RABGAP1: variants seen among roughly 807,000 people sequenced by gnomAD.
RABGAP1 encodes rab GTPase-activating protein 1.
In RABGAP1, 23 loss-of-function variants were observed where a neutral mutation model predicts 137.6. The ratio of observed to expected loss-of-function variants is 0.17; its 90% CI spans 0.12 to 0.24. The LOEUF (loss-of-function observed/expected upper bound fraction) is 0.24. Among genes scored for constraint, RABGAP1 ranks in the 10% least tolerant of loss-of-function variants. RABGAP1 has a pLI of 1.00. For synonymous variants in RABGAP1, 451 were observed against 450.7 expected (o/e 1.00, Z -0.01); for missense variants, 906 against 1,275.8 (o/e 0.71, Z 4.42).
chr9:122,946,842 C>CT (rs1449930608), intron 1 of RABGAP1, among the ~76,000 whole-genome samples: 1 of 152,096 alleles, frequency 6.6e-6, no homozygotes, highest in East Asian at 1.9e-4. Flanking sequence ...TAAATGAACT[C>CT]TGTTTTATGC....
chr9:122,984,395 C>T, intron 2 of RABGAP1, 90 bp from the exon 3 acceptor site: 1 of 1,034,312 alleles, frequency 9.7e-7, no homozygotes, highest in South Asian at 1.6e-5. Context: ...AAAAGAAATG[C>T]TAATGATTTT....
At chr9:123,046,903 A>C (rs1445165450) in intron 13 of RABGAP1, among the ~76,000 whole-genome samples, 1 of 152,236 alleles carries the variant, frequency 6.6e-6, no homozygotes, top group Non-Finnish European at 1.5e-5. Flanking sequence ...CTTAGCAGAC[A>C]TAATCTGGAC....
chr9:122,935,955 GT>G (rs911993984), upstream of RABGAP1, among the ~76,000 whole-genome samples: 8 of 149,554 alleles, frequency 5.3e-5, no homozygotes, highest in East Asian at 3.9e-4. Context: ...TTCCATGACA[GT>G]TTTTTTTTTC....
chr9:123,004,950 G>C (rs1440421117), intron 10 of RABGAP1, among the ~76,000 whole-genome samples: 2 of 151,622 alleles, frequency 1.3e-5, no homozygotes, highest in African/African-American at 4.9e-5. Flanking sequence ...CAGCTACTCG[G>C]GAGGCCGAGG....
rs34595678 is a variant in RABGAP1, at chr9:123,035,445, T to G, written c.1794+14986T>G. 3.5e-4 allele frequency: 563 copies of G among 1,614,218 alleles called. 1 individual carries two copies. In the African/African-American group the frequency reaches 6.8e-3, roughly 19 times the overall value. ...CATCCTTCTTGACCACCTGGCTTGC[T>G]ATTAGTAACAGTTTCTGCAACTGTG... On this transcript the variant is annotated intron_variant, in intron 13 of 25. Transcript: ENST00000373647.
chr9:123,032,528 C>T (rs1364144175), intron 13 of RABGAP1, among the ~76,000 whole-genome samples: 1 of 152,204 alleles, frequency 6.6e-6, no homozygotes, highest in Non-Finnish European at 1.5e-5. Flanking sequence ...AAATGTAATT[C>T]ATCGCATTCT....
In RABGAP1 at chr9:123,010,538, AG is replaced by A; in HGVS notation, c.1549+13del. The stretch of plus-strand genomic sequence containing the variant: ...GATGATGAAGAGGAAGGTAAACTGT[AG>A]GGATAGCTTAATTTATTTTTGGGGG... On this transcript the variant is annotated intron_variant, in intron 11 of 25. Coordinates refer to ENST00000373647, the MANE Select transcript of RABGAP1 (RefSeq NM_012197.4). 1 of 1,608,658 alleles carries A rather than the reference AG, an allele frequency of 6.2e-7. No homozygotes were observed.
At chr9:123,030,424 C>T (rs964984013) in intron 13 of RABGAP1, among the ~76,000 whole-genome samples, 3 of 152,072 alleles carry the variant, frequency 2.0e-5, no homozygotes, top group African/African-American at 7.2e-5. Context: ...ATCCCACCAT[C>T]CAATAATAGT....
chr9:122,970,270 A>G (rs1415489464), intron 2 of RABGAP1, among the ~76,000 whole-genome samples: 1 of 152,064 alleles, frequency 6.6e-6, no homozygotes, highest in Non-Finnish European at 1.5e-5. Flanking sequence ...GGACATAAAC[A>G]TAAAAGTGGA....
chr9:122,980,512 C>T (rs904044524), intron 2 of RABGAP1, among the ~76,000 whole-genome samples: 23 of 152,196 alleles, frequency 1.5e-4, no homozygotes, highest in Admixed American at 1.0e-3. Context: ...AAGGGGGTGA[C>T]ACCAGTCATG....
chr9:123,049,558 A>G (rs1380075759), intron 13 of RABGAP1, among the ~76,000 whole-genome samples: 1 of 152,222 alleles, frequency 6.6e-6, no homozygotes, highest in Admixed American at 6.5e-5. Flanking sequence ...CTAAAAAACA[A>G]AATACTCTTA....
intron 2 of RABGAP1, among the ~76,000 whole-genome samples, chr9:122,963,589 T>C (rs1326679674): frequency 6.6e-6 from 1 of 152,140 alleles, no homozygotes; most frequent in Non-Finnish European, 1.5e-5. Flanking sequence ...GCAGATACAA[T>C]ATACTAAGAC....
intron 1 of RABGAP1, among the ~76,000 whole-genome samples, chr9:122,945,159 T>TTTTTTTTTTTTTTTTTTTTTTTTG: frequency 6.8e-6 from 1 of 146,090 alleles, no homozygotes; most frequent in Non-Finnish European, 1.5e-5. Context: ...TTTTTTTTTT[T>TTTTTTTTTTTTTTTTTTTTTTTTG]TTTTAGCATA....
chr9:122,979,438 C>G (rs2131723182), intron 2 of RABGAP1, among the ~76,000 whole-genome samples: 1 of 152,248 alleles, frequency 6.6e-6, no homozygotes, highest in African/African-American at 2.4e-5. Flanking sequence ...TCTTTTCATT[C>G]TCTTAAGAGT....
chr9:123,050,384 C>G (rs372649558), intron 13 of RABGAP1, among the ~76,000 whole-genome samples: 2 of 152,154 alleles, frequency 1.3e-5, no homozygotes, highest in African/African-American at 2.4e-5. Flanking sequence ...AGGGTAAATA[C>G]ACAAAGCAAT....
chr9:123,015,511 G>T (rs766594605), intron 11 of RABGAP1, 32 bp from the exon 12 acceptor site: 2 of 1,434,290 alleles, frequency 1.4e-6, no homozygotes, highest in Non-Finnish European at 1.9e-6. Context: ...AGCCATCTCT[G>T]TTACCGTTTT....
At chr9:123,031,349 T>C (rs2032286351) in intron 13 of RABGAP1, among the ~76,000 whole-genome samples, 2 of 152,192 alleles carry the variant, frequency 1.3e-5, no homozygotes, top group Admixed American at 1.3e-4. Flanking sequence ...ATAAAGTCTA[T>C]GGCAAGTGTA....
intron 12 of RABGAP1, among the ~76,000 whole-genome samples, chr9:123,017,040 A>G (rs184080164): frequency 5.3e-5 from 8 of 152,312 alleles, no homozygotes; most frequent in Admixed American, 5.2e-4. Flanking sequence ...CCAGAGTAAT[A>G]GTTTTCTTAT....
At chr9:122,957,441 G>A (rs1223460014) in intron 2 of RABGAP1, among the ~76,000 whole-genome samples, 1 of 152,088 alleles carries the variant, frequency 6.6e-6, no homozygotes, top group Non-Finnish European at 1.5e-5. Flanking sequence ...AAAACTAGTG[G>A]TTATAGTATA....
Sources: allele counts gnomAD v4.1 joint callset (sites outside exome capture counted in the v4.1 genomes callset), GRCh38; gene constraint gnomAD v4.1.1; transcripts MANE v1.5; gene names NCBI Gene and HGNC (gene_info 2026-07-23, HGNC 2026-07-21).